The following TAFA1 variants were observed in gnomAD, a reference collection of about 807,000 sequenced individuals.
TAFA1 encodes the protein TAFA chemokine like family member 1.
Under a neutral mutation model 18.5 loss-of-function variants are expected in TAFA1, and 4 were observed. That is an observed-to-expected ratio of 0.22 (90% CI 0.11 to 0.49). The LOEUF (loss-of-function observed/expected upper bound fraction) is 0.49, where lower values mean the gene tolerates loss of function less well. Ranked by LOEUF, TAFA1 falls within the 20% of genes least tolerant of loss-of-function variation. TAFA1 has a pLI of 0.98. For synonymous variants in TAFA1, 56 were observed against 55.2 expected, an observed-to-expected ratio of 1.01 and a Z score of -0.06; for missense variants, 147 against 169.0, an observed-to-expected ratio of 0.87 and a Z score of 0.72.
chr3:68,203,380 G>A (rs1023333657), intron 2 of TAFA1, among the ~76,000 whole-genome samples: 1 of 151,614 alleles, frequency 6.6e-6, no homozygotes, highest in Non-Finnish European at 1.5e-5. Flanking sequence ...TTTTCTGTTT[G>A]TTAATTCCAG....
At chr3:68,201,298 A>G (rs908881078) in intron 2 of TAFA1, among the ~76,000 whole-genome samples, 2 of 151,700 alleles carry the variant, frequency 1.3e-5, no homozygotes, top group African/African-American at 2.4e-5. Flanking sequence ...ATGACCCAGC[A>G]TGTGGCATAT....
At chr3:68,032,729 C>A (rs1026103409) in intron 2 of TAFA1, among the ~76,000 whole-genome samples, 1 of 152,108 alleles carries the variant, frequency 6.6e-6, no homozygotes, top group Non-Finnish European at 1.5e-5. Flanking sequence ...AACCTCAAGC[C>A]GTTTCTTGTA....
chr3:68,363,572 G>A (rs951429756), intron 2 of TAFA1, among the ~76,000 whole-genome samples: 24 of 152,154 alleles, frequency 1.6e-4, no homozygotes, highest in Non-Finnish European at 1.2e-4. Context: ...GCCCTATCCA[G>A]AGAAAGCCCA....
At position 68,178,037 on chromosome 3, in the gene TAFA1, G is replaced by A. The variant is rs550593278; in HGVS notation, c.118+171293G>A. 6.1e-4 allele frequency among the ~76,000 whole-genome samples: 93 copies of A among 152,082 alleles called. No homozygotes were observed. In the Middle Eastern group the frequency reaches 0.01, roughly 17 times the overall value. On this transcript the variant is annotated intron_variant, in intron 2 of 4. Coordinates refer to ENST00000478136, the MANE Select transcript of TAFA1 (RefSeq NM_213609.4). ...TGGGCGCCTATAGTCCCAGCTACTC[G>A]GGAGGCTGAGGCAGGAGAATGGCGT...
chr3:68,350,170 C>A (rs72626986), intron 2 of TAFA1, among the ~76,000 whole-genome samples: 15 of 152,060 alleles, frequency 9.9e-5, no homozygotes, highest in Admixed American at 9.8e-4. Flanking sequence ...TGGTACTCAG[C>A]GCCTCAATCG....
At chr3:68,472,543 T>C (rs1256898241) in intron 3 of TAFA1, among the ~76,000 whole-genome samples, 2 of 149,982 alleles carry the variant, frequency 1.3e-5, no homozygotes, top group African/African-American at 2.5e-5. Context: ...CAAATACACA[T>C]AAAATGGGGG....
intron 2 of TAFA1, among the ~76,000 whole-genome samples, chr3:68,222,427 G>C (rs1171977550): frequency 1.3e-5 from 2 of 152,132 alleles, no homozygotes; most frequent in Non-Finnish European, 2.9e-5. Context: ...TGAAGAGTGA[G>C]ACCATTTTTC....
At chr3:68,407,820 T>A (rs2106768068) in intron 2 of TAFA1, among the ~76,000 whole-genome samples, 1 of 152,238 alleles carries the variant, frequency 6.6e-6, no homozygotes, top group African/African-American at 2.4e-5. Flanking sequence ...TTTTTTCCTT[T>A]ACATACCCGA....
intron 2 of TAFA1, among the ~76,000 whole-genome samples, chr3:68,216,014 T>C (rs2066652608): frequency 6.6e-6 from 1 of 151,976 alleles, no homozygotes; most frequent in South Asian, 2.1e-4. Flanking sequence ...TAGAGAGACA[T>C]GGAGGAAACT....
chr3:68,259,950 C>T (rs1353836329), intron 2 of TAFA1, among the ~76,000 whole-genome samples: 2 of 151,562 alleles, frequency 1.3e-5, no homozygotes, highest in Non-Finnish European at 3.0e-5. Context: ...GCCTAATTGC[C>T]CTGGCCAGAA....
At chr3:68,535,828 GA>G (rs1475962985) in intron 3 of TAFA1, among the ~76,000 whole-genome samples, 1 of 151,880 alleles carries the variant, frequency 6.6e-6, no homozygotes, top group Admixed American at 6.6e-5. Context: ...TTTAAAGGGG[GA>G]AAAATGGGGA....
intron 2 of TAFA1, among the ~76,000 whole-genome samples, chr3:68,052,167 G>A (rs948035736): frequency 6.6e-6 from 1 of 152,062 alleles, no homozygotes; most frequent in East Asian, 1.9e-4. Flanking sequence ...TCACCACACT[G>A]GAGTGATTGT....
At chr3:68,137,998 T>G (rs1042008949) in intron 2 of TAFA1, among the ~76,000 whole-genome samples, 6 of 147,702 alleles carry the variant, frequency 4.1e-5, no homozygotes, top group African/African-American at 7.5e-5. Context: ...AAAAAAAAAG[T>G]GGATTCAATG....
At chr3:68,343,698 A>AT (rs951790178) in intron 2 of TAFA1, among the ~76,000 whole-genome samples, 4 of 151,874 alleles carry the variant, frequency 2.6e-5, no homozygotes, top group African/African-American at 7.3e-5. Flanking sequence ...GTTGCCACAT[A>AT]TTTTTTTTAT....
intron 2 of TAFA1, among the ~76,000 whole-genome samples, chr3:68,254,605 G>A (rs1173761769): frequency 6.6e-6 from 1 of 151,996 alleles, no homozygotes; most frequent in African/African-American, 2.4e-5. Flanking sequence ...CCAAAGACAT[G>A]CTGTGATGCC....
intron 2 of TAFA1, among the ~76,000 whole-genome samples, chr3:68,087,219 T>A (rs905143989): frequency 1.3e-5 from 2 of 152,194 alleles, no homozygotes; most frequent in Non-Finnish European, 2.9e-5. Context: ...GAAATCCTTT[T>A]GAGACAATAG....
At chr3:68,244,818 G>T (rs1487858780) in intron 2 of TAFA1, among the ~76,000 whole-genome samples, 1 of 151,970 alleles carries the variant, frequency 6.6e-6, no homozygotes, top group East Asian at 1.9e-4. Context: ...ATTATTTGCA[G>T]AAAAAAATGC....
intron 2 of TAFA1, among the ~76,000 whole-genome samples, chr3:68,336,789 T>C (rs1429345260): frequency 2.0e-5 from 3 of 152,240 alleles, no homozygotes; most frequent in Non-Finnish European, 4.4e-5. Flanking sequence ...TGTGGCACGA[T>C]CTCAGCTCAG....
intron 3 of TAFA1, among the ~76,000 whole-genome samples, chr3:68,510,981 C>T (rs1030615634): frequency 3.3e-5 from 5 of 152,116 alleles, no homozygotes; most frequent in African/African-American, 4.8e-5. Flanking sequence ...GTTTTGATTT[C>T]TGTCTGTTCT....
Sources: allele counts gnomAD v4.1 joint callset (sites outside exome capture counted in the v4.1 genomes callset), GRCh38; gene constraint gnomAD v4.1.1; transcripts MANE v1.5; gene names NCBI Gene and HGNC (gene_info 2026-07-23, HGNC 2026-07-21).